CTIF: variants seen among roughly 807,000 people sequenced by gnomAD.
CTIF encodes cap binding complex dependent translation initiation factor.
In CTIF, 21 loss-of-function variants were observed where a neutral mutation model predicts 66.0. The ratio of observed to expected loss-of-function variants is 0.32; its 90% confidence interval spans 0.23 to 0.46. The LOEUF (loss-of-function observed/expected upper bound fraction) is 0.46. CTIF is among the 20% of genes least tolerant of loss of function. The pLI is 1.00. For missense variants in CTIF, 739 were observed against 812.7 expected (o/e 0.91, Z 1.10); for synonymous variants, 345 against 326.4 (o/e 1.06, Z -0.62).
intron 9 of CTIF, among the ~76,000 whole-genome samples, chr18:48,803,222 G>C (rs528253266): frequency 4.5e-4 from 69 of 152,380 alleles, no homozygotes; most frequent in African/African-American, 1.6e-3. Context: ...TTAGCTGGAA[G>C]TGGCTGATGG....
chr18:48,739,099 T>C (rs1427980200), intron 7 of CTIF, among the ~76,000 whole-genome samples: 2 of 152,090 alleles, frequency 1.3e-5, no homozygotes, highest in East Asian at 3.8e-4. Context: ...CTAAGTCTTC[T>C]CCCACCTCCC....
intron 1 of CTIF, among the ~76,000 whole-genome samples, chr18:48,573,317 G>A (rs555089654): frequency 1.3e-5 from 2 of 152,236 alleles, no homozygotes; most frequent in South Asian, 4.1e-4. Flanking sequence ...ACATCCCTGT[G>A]TTTCATGACC....
chr18:48,614,387 G>T (rs1003387710), intron 1 of CTIF, among the ~76,000 whole-genome samples: 1 of 152,216 alleles, frequency 6.6e-6, no homozygotes, highest in African/African-American at 2.4e-5. Context: ...GGGACTCAGA[G>T]GGATCGTTGT....
At chr18:48,653,502 T>C (rs1400455203) in intron 3 of CTIF, among the ~76,000 whole-genome samples, 1 of 152,114 alleles carries the variant, frequency 6.6e-6, no homozygotes, top group South Asian at 2.1e-4. Context: ...AAGAACATTC[T>C]ATGCTCATGG....
chr18:48,614,320 G>A lies in CTIF; in HGVS notation c.-28-5218G>A, dbSNP rs11660459. 5.9e-5 allele frequency among the ~76,000 whole-genome samples: 9 copies of A among 152,126 alleles called. No individual in the cohort carries two copies. The South Asian group carries it at 8.3e-4, about 14-fold the overall frequency. ...AGCTCTACCCTTTTCCTCCACACTC[G>A]TCTTGCCTTAAAAATGTGTTGGAAC... On this transcript the variant is annotated intron_variant, in intron 1 of 11. Transcript: ENST00000256413.
At chr18:48,680,779 C>T (rs1454045865) in intron 6 of CTIF, among the ~76,000 whole-genome samples, 3 of 152,212 alleles carry the variant, frequency 2.0e-5, no homozygotes, top group Admixed American at 6.5e-5. Flanking sequence ...AAGGAGCCGC[C>T]GGGGCTTGGG....
intron 6 of CTIF, chr18:48,682,897 G>T (rs897434627): frequency 5.9e-5 from 9 of 152,282 alleles, no homozygotes; most frequent in Admixed American, 4.6e-4. Flanking sequence ...CCTCAGTGAC[G>T]CTGCGTATTT....
At chr18:48,765,556 G>A (rs966840888) in intron 9 of CTIF, among the ~76,000 whole-genome samples, 1 of 152,248 alleles carries the variant, frequency 6.6e-6, no homozygotes, top group Non-Finnish European at 1.5e-5. Context: ...GGAGGGAGAG[G>A]GGCAACCGCA....
intron 7 of CTIF, among the ~76,000 whole-genome samples, chr18:48,732,263 C>T (rs983317794): frequency 1.3e-5 from 2 of 152,148 alleles, no homozygotes; most frequent in African/African-American, 2.4e-5. Context: ...CCTCAGGATT[C>T]GGGGTACCCA....
chr18:48,807,062 G>A (rs1364288349), intron 9 of CTIF, among the ~76,000 whole-genome samples: 1 of 152,192 alleles, frequency 6.6e-6, no homozygotes, highest in African/African-American at 2.4e-5. Context: ...TAGGGGCAGA[G>A]CTAGAGGAAT....
chr18:48,854,285 G>A (rs1015948469), intron 10 of CTIF, among the ~76,000 whole-genome samples: 5 of 152,098 alleles, frequency 3.3e-5, no homozygotes, highest in Non-Finnish European at 7.4e-5. Flanking sequence ...AGGAACAGCT[G>A]GGAAGTGACC....
chr18:48,711,455 A>G (rs1055434866), intron 6 of CTIF, among the ~76,000 whole-genome samples, 164 bp from the exon 7 acceptor site: 11 of 152,100 alleles, frequency 7.2e-5, no homozygotes, highest in African/African-American at 1.9e-4. Context: ...CATTGACTCT[A>G]CTGTTTTTCC....
At chr18:48,609,904 G>C (rs574052886) in intron 1 of CTIF, among the ~76,000 whole-genome samples, 1 of 152,306 alleles carries the variant, frequency 6.6e-6, no homozygotes, top group Non-Finnish European at 1.5e-5. Context: ...TTGAGGGTGT[G>C]GGGGGCTGGA....
intron 1 of CTIF, among the ~76,000 whole-genome samples, chr18:48,582,707 G>A (rs1240706709): frequency 6.6e-6 from 1 of 152,214 alleles, no homozygotes; most frequent in Admixed American, 6.5e-5. Context: ...TGGTAATAAC[G>A]GGGTTAGAGC....
chr18:48,616,532 C>A (rs2090403541), intron 1 of CTIF, among the ~76,000 whole-genome samples: 1 of 152,174 alleles, frequency 6.6e-6, no homozygotes, highest in African/African-American at 2.4e-5. Context: ...GTCGTGCAGA[C>A]CTGGAACTCT....
rs541368503 is a variant in CTIF at position 48,861,723 on chromosome 18, A to C, written c.*2164A>C. 6.6e-6 allele frequency: 1 copy of C among 152,408 alleles called. No homozygotes were observed. Among genetic ancestry groups the C allele is most frequent in the East Asian group, 1.9e-4 (1 of 5,178 alleles). The allele number at this position is 152,408 out of a possible 1,614,324, so 9.4% of individuals were successfully genotyped here. ...AGCTTCACGCAGGACGCTCCGAAACACTGTGTGGAGGGGGCTGTGTTGTGG... is the reference window on the plus strand; with the variant it reads ...AGCTTCACGCAGGACGCTCCGAAACCCTGTGTGGAGGGGGCTGTGTTGTGG... On this transcript the variant is annotated 3_prime_UTR_variant, in exon 12 of 12. Coordinates refer to ENST00000256413, the MANE Select transcript of CTIF (RefSeq NM_014772.3).
At chr18:48,765,564 G>T (rs1909440814) in intron 9 of CTIF, among the ~76,000 whole-genome samples, 3 of 152,262 alleles carry the variant, frequency 2.0e-5, no homozygotes, top group African/African-American at 7.2e-5. Context: ...AGGGGCAACC[G>T]CAGATGTGGT....
At chr18:48,775,260 T>C (rs565440635) in intron 9 of CTIF, among the ~76,000 whole-genome samples, 1 of 152,376 alleles carries the variant, frequency 6.6e-6, no homozygotes, top group African/African-American at 2.4e-5. Flanking sequence ...ACATTATCAT[T>C]GTTAAAATCC....
At chr18:48,747,529 G>A (rs1306894467) in intron 7 of CTIF, among the ~76,000 whole-genome samples, 2 of 152,134 alleles carry the variant, frequency 1.3e-5, no homozygotes, top group Non-Finnish European at 1.5e-5. Context: ...TGGAGTCCTG[G>A]GGTCACTACT....
Sources: allele counts gnomAD v4.1 joint callset (sites outside exome capture counted in the v4.1 genomes callset), GRCh38; gene constraint gnomAD v4.1.1; transcripts MANE v1.5; gene names NCBI Gene and HGNC (gene_info 2026-07-23, HGNC 2026-07-21).